RB1CC1: variants seen among roughly 807,000 people sequenced by gnomAD.
RB1CC1 encodes the protein RB1 inducible coiled-coil 1, also known as RB1-inducible coiled-coil protein 1.
A neutral mutation model predicts 177.5 loss-of-function variants in RB1CC1; 46 were observed. The ratio of observed to expected loss-of-function variants is 0.26; its 90% CI spans 0.20 to 0.33. The LOEUF is 0.33. RB1CC1 is among the 10% of genes least tolerant of loss of function. The pLI is 1.00. For synonymous variants in RB1CC1, 666 were observed against 613.6 expected (o/e 1.09, Z -1.26); for missense variants, 1,703 against 1,816.3 (o/e 0.94, Z 1.13).
chr8:52,665,899 TG>T (rs1486545892), intron 8 of RB1CC1, among the ~76,000 whole-genome samples: 2 of 152,190 alleles, frequency 1.3e-5, no homozygotes, highest in Non-Finnish European at 2.9e-5. Context: ...AATTAAAAGT[TG>T]AAGACCAGAG....
chr8:52,661,139 C>G lies in RB1CC1; in HGVS notation c.1501G>C (p.Val501Leu). Residue 501 changes from valine to leucine, a missense_variant, in exon 10 of 24, where the codon GTT becomes CTT. Physicochemically the swap from Val to Leu is conservative, Grantham distance 32. Around this residue, in one of 6 missense-constraint regions of RB1CC1, gnomAD observed 1,169 missense variants for 1,184.7 expected, o/e 0.99. Transcript: ENST00000025008. ...TVPQMYCLAV[V>L]EVVRRKMFIK... ...AACATTTTTCTTCTTACAACCTCAACAACAGCTAAGCAGTACATCTGAGGA... is the reference window on the plus strand; with the variant it reads ...AACATTTTTCTTCTTACAACCTCAAGAACAGCTAAGCAGTACATCTGAGGA... 6.2e-7 allele frequency: 1 copy of G among 1,613,660 alleles called. No individual in the cohort carries two copies. The highest frequency in any genetic ancestry group is 1.7e-5 in the Admixed American group (1 of 59,904).
intron 19 of RB1CC1, among the ~76,000 whole-genome samples, chr8:52,635,764 T>C (rs1849094787): frequency 1.3e-5 from 2 of 152,148 alleles, no homozygotes; most frequent in African/African-American, 4.8e-5. Flanking sequence ...CTACCAACTT[T>C]TTCCTCTCAT....
At chr8:52,635,062 T>G (rs954827029) in intron 19 of RB1CC1, 94 bp from the exon 20 acceptor site, 17 of 1,190,972 alleles carry the variant, frequency 1.4e-5, no homozygotes, top group African/African-American at 6.3e-5. Flanking sequence ...GACAAAAATG[T>G]TTGGTTCGGG....
At chr8:52,714,035 C>A in intron 1 of RB1CC1, 40 bp downstream of exon 1, 3 of 337,786 alleles carry the variant, frequency 8.9e-6, no homozygotes, top group Non-Finnish European at 1.8e-5. Flanking sequence ...GACCGCTGTG[C>A]CAGATGGGGG....
Position 52,657,870 on chromosome 8 carries a change from TGAA to T in RB1CC1, c.1956_1958del (p.Ser653del), listed in dbSNP as rs1563391256. On this transcript the variant is annotated inframe_deletion, in exon 15 of 24. Coordinates refer to ENST00000025008, the MANE Select transcript of RB1CC1 (RefSeq NM_014781.5). ...TTCCTGCTGTACTTTCCATCCTTGG[TGAA>T]GAAGCAGACTGTGGGGATGTCTGAC... The T allele has an allele frequency of 6.2e-7, 1 of 1,613,850 alleles. No homozygotes were observed. Among genetic ancestry groups the T allele is most frequent in the East Asian group, 2.2e-5 (1 of 44,830 alleles).
chr8:52,648,480 C>G (rs1277820057), intron 15 of RB1CC1, among the ~76,000 whole-genome samples: 1 of 152,146 alleles, frequency 6.6e-6, no homozygotes, highest in Non-Finnish European at 1.5e-5. Context: ...ACTAGCATCA[C>G]TGCCTAGCTT....
chr8:52,628,034 C>G lies in RB1CC1; in HGVS notation c.4634G>C (p.Gly1545Ala). ...LPALDLKPGE[G>A]ASGASRRPWV... is the part of the protein sequence containing the mutation. ...TTTAGTCATGGAATGACACTTACCA[C>G]CCTCACCTGGTTTGAGATCCAGGGC... Residue 1545 changes from glycine (G) to alanine (A), a missense_variant and splice_region_variant, in exon 22 of 24, where the codon GGT (glycine) becomes GCT (alanine). This residue lies in a region of RB1CC1 where 70 missense variants were observed against 118.0 expected (regional missense o/e 0.59). Transcript: ENST00000025008. The G allele has an allele frequency of 3.1e-6, 5 of 1,590,744 alleles. No homozygotes were observed. The highest frequency in any genetic ancestry group is 4.3e-6 in the Non-Finnish European group (5 of 1,170,420).
rs1003099512 is a variant in RB1CC1 at position 52,698,967 on chromosome 8, A to G, written c.-166-12000T>C. The stretch of plus-strand genomic sequence containing the variant: ...CAGCCTCCCAAAGTGCTGGGATTAC[A>G]GGCATGAACCAGCGCACCCGGCCTT... On this transcript the variant is annotated intron_variant, in intron 1 of 23. Coordinates refer to ENST00000025008, the MANE Select transcript of RB1CC1 (RefSeq NM_014781.5). 2.6e-5 allele frequency among the ~76,000 whole-genome samples: 4 copies of G among 152,104 alleles called. No individual in the cohort carries two copies. In the East Asian group the frequency reaches 7.7e-4, roughly 29 times the overall value.
chr8:52,691,212 A>T (rs1854825518), intron 1 of RB1CC1, among the ~76,000 whole-genome samples: 1 of 152,166 alleles, frequency 6.6e-6, no homozygotes, highest in South Asian at 2.1e-4. Context: ...TATTGCTTTC[A>T]ATCAGAAGCT....
intron 5 of RB1CC1, among the ~76,000 whole-genome samples, chr8:52,680,363 A>T (rs1472674416): frequency 6.6e-6 from 1 of 152,234 alleles, no homozygotes; most frequent in East Asian, 1.9e-4. Flanking sequence ...AGAGAAGTCT[A>T]AATCAAGCTT....
Position 52,656,329 on chromosome 8 carries a change from T to C in RB1CC1, c.3500A>G (p.Glu1167Gly). The part of the protein sequence containing the change: ...KVTSLHNQAF[E>G]IEKNLKEQII... ...TTGTTCTTTTAGGTTTTTTTCTATT[T>C]CAAATGCTTGGTTATGCAAAGATGT... Residue 1167 changes from glutamate to glycine, a missense_variant, in exon 15 of 24, where the codon GAA becomes GGA. Glu to Gly is a moderately conservative substitution (Grantham distance 98, BLOSUM62 -2). Coordinates refer to ENST00000025008, the MANE Select transcript of RB1CC1 (RefSeq NM_014781.5). The C allele has an allele frequency of 6.2e-7, 1 of 1,612,890 alleles. No homozygotes were observed. The highest frequency in any genetic ancestry group is 2.2e-5 in the East Asian group (1 of 44,818).
At position 52,629,673 on chromosome 8, in the gene RB1CC1, C is replaced by T. The variant is rs543428207; in HGVS notation, c.4499+797G>A. Reference sequence around the variant, plus strand: ...GAAACATTTACAAACTATTATCTGTCAAGCCTGCTACCTGGAGGCTTCATC... The same window carrying T: ...GAAACATTTACAAACTATTATCTGTTAAGCCTGCTACCTGGAGGCTTCATC... On this transcript the variant is annotated intron_variant, in intron 21 of 23. Transcript: ENST00000025008. Among the ~76,000 whole-genome samples the T allele has an allele frequency of 2.0e-5, 3 of 152,330 alleles. No homozygotes were observed. In the East Asian group the frequency reaches 5.8e-4, roughly 29 times the overall value.
intron 1 of RB1CC1, among the ~76,000 whole-genome samples, chr8:52,695,950 C>T (rs778573374): frequency 2.0e-5 from 3 of 152,148 alleles, no homozygotes; most frequent in Admixed American, 6.5e-5. Context: ...TTCTGGGCAC[C>T]GCCAAACTTG....
chr8:52,685,049 C>T (rs1422090347), intron 3 of RB1CC1, among the ~76,000 whole-genome samples: 2 of 144,808 alleles, frequency 1.4e-5, no homozygotes, highest in African/African-American at 5.2e-5. Context: ...AGTCGCTGGG[C>T]TGGAGTGCAG....
At chr8:52,660,807 T>TA in intron 11 of RB1CC1, 119 bp downstream of exon 11, 1 of 1,099,598 alleles carries the variant, frequency 9.1e-7, no homozygotes, top group Non-Finnish European at 1.3e-6. Context: ...TTAAAAGGAA[T>TA]ATTTCCTAGA....
chr8:52,642,495 A>G lies in RB1CC1; in HGVS notation c.4193T>C (p.Val1398Ala), dbSNP rs751564273. The G allele has an allele frequency of 6.2e-7, 1 of 1,614,110 alleles. No individual in the cohort carries two copies. The highest frequency in any genetic ancestry group is 1.7e-5 in the Admixed American group (1 of 60,022). ...GGCTGTAGCTACATATGGTGAAGGAACAAAACTGCTACTACGCAACTTACT... is the reference window on the plus strand; with the variant it reads ...GGCTGTAGCTACATATGGTGAAGGAGCAAAACTGCTACTACGCAACTTACT... ...EVSKLRSSSF[V>A]PSPYVATAPE... The change falls in exon 18 of 24, where the codon GTT becomes GCT. Residue 1398 changes from valine (V) to alanine (A), a missense_variant. Val to Ala is a moderately conservative substitution (Grantham distance 64). Coordinates refer to ENST00000025008, the MANE Select transcript of RB1CC1 (RefSeq NM_014781.5).
At chr8:52,668,233 A>C (rs753957527) in intron 7 of RB1CC1, 42 bp from the exon 8 acceptor site, 1 of 1,592,376 alleles carries the variant, frequency 6.3e-7, no homozygotes, top group Non-Finnish European at 8.6e-7. Flanking sequence ...TTTTCAGCAA[A>C]TAGTTTAAAA....
At chr8:52,661,777 A>T (rs533117135) in intron 8 of RB1CC1, 58 bp from the exon 9 acceptor site, 1,933 of 1,306,216 alleles carry the variant, frequency 1.5e-3, no homozygotes, top group Non-Finnish European at 1.8e-3. Flanking sequence ...AGGTATGGAC[A>T]TTCAGTTAAG....
chr8:52,645,726 T>C lies in RB1CC1; in HGVS notation c.3963A>G (p.Arg1321=). The C allele has an allele frequency of 6.2e-7, 1 of 1,613,028 alleles. No individual in the cohort carries two copies. Among genetic ancestry groups the C allele is most frequent in the Non-Finnish European group, 8.5e-7 (1 of 1,179,612 alleles). ...KRKNEEMQNV[R]TSLIAEQQTN... ...CCTGTTGTTCCGCAATCAAAGATGT[T>C]CGAACATTTTGCATTTCTTCATTCT... The change falls in exon 16 of 24, where the codon CGA becomes CGG. Residue 1321 remains arginine, a synonymous_variant. Transcript: ENST00000025008.
Sources: gnomAD v4.1 joint callset for allele counts (sites outside exome capture counted in the v4.1 genomes callset) on GRCh38, gnomAD v4.1.1 for gene constraint, gnomAD v4.1.1 regional missense constraint, MANE v1.5 for transcripts, NCBI Gene and HGNC (gene_info 2026-07-23, HGNC 2026-07-21) for gene names.